The following LRBA variants were observed in gnomAD, a reference collection of about 807,000 sequenced individuals.
LRBA encodes the protein LPS responsive beige-like anchor protein.
In LRBA, 176 loss-of-function variants were observed where a neutral mutation model predicts 330.0. The observed-to-expected ratio is 0.53, with a 90% CI of 0.47 to 0.60. The LOEUF (loss-of-function observed/expected upper bound fraction) is 0.60. Ranked by LOEUF, LRBA falls within the 20% of genes least tolerant of loss-of-function variation. LRBA has a pLI of 0.00. For synonymous variants in LRBA, 1,230 were observed against 1,193.0 expected (o/e 1.03, Z -0.64); for missense variants, 3,259 against 3,444.8 (o/e 0.95, Z 1.35).
intron 37 of LRBA, among the ~76,000 whole-genome samples, chr4:150,656,075 T>C (rs1244161446): frequency 6.6e-6 from 1 of 152,190 alleles, no homozygotes; most frequent in Non-Finnish European, 1.5e-5. Flanking sequence ...TTTTTGCTTC[T>C]ATTTGTTCAC....
chr4:150,583,093 G>A lies in LRBA; in HGVS notation c.6330+4955C>T. 2 of 1,614,150 alleles carry A rather than the reference G, an allele frequency of 1.2e-6. No individual in the cohort carries two copies. Among genetic ancestry groups the A allele is most frequent in the Non-Finnish European group, 1.7e-6 (2 of 1,180,004 alleles). On this transcript the variant is annotated intron_variant, in intron 40 of 56. Transcript: ENST00000651943. This position sits in a 1 kb window ranked among gnomAD's most constrained non-coding sequence, Gnocchi z 9.8. Reference sequence around the variant, plus strand: ...TAAGTACTACACTGAGCGCTGTCAGGCGCGCAAGGCGGCCATCGCCAAAAC... The same window carrying A: ...TAAGTACTACACTGAGCGCTGTCAGACGCGCAAGGCGGCCATCGCCAAAAC...
intron 28 of LRBA, among the ~76,000 whole-genome samples, chr4:150,839,122 C>A (rs964919219): frequency 2.0e-5 from 3 of 152,112 alleles, no homozygotes; most frequent in African/African-American, 7.2e-5. Context: ...ATGCAGCCAA[C>A]AGACACATGA....
At chr4:150,328,271 G>A (rs917993298) in intron 48 of LRBA, among the ~76,000 whole-genome samples, 2 of 152,146 alleles carry the variant, frequency 1.3e-5, no homozygotes, top group Admixed American at 1.3e-4. Flanking sequence ...GGAATCCAAC[G>A]TGATAGTGAT....
intron 56 of LRBA, among the ~76,000 whole-genome samples, chr4:150,272,538 A>C (rs1746246449): frequency 6.6e-6 from 1 of 152,080 alleles, no homozygotes; most frequent in African/African-American, 2.4e-5. Flanking sequence ...TCACGTTCTA[A>C]TCCAATGCAA....
intron 40 of LRBA, among the ~76,000 whole-genome samples, chr4:150,518,275 T>C (rs1368459760): frequency 1.3e-5 from 2 of 152,206 alleles, no homozygotes; most frequent in African/African-American, 4.8e-5. Context: ...ACAGTGTGGA[T>C]ATGCTAGACA....
At chr4:150,537,846 T>C (rs560053269) in intron 40 of LRBA, among the ~76,000 whole-genome samples, 12 of 151,812 alleles carry the variant, frequency 7.9e-5, no homozygotes, top group Non-Finnish European at 4.4e-5. Flanking sequence ...TCCCAGCTAT[T>C]TGGGAGGCTG....
At chr4:150,709,029 A>T (rs999852963) in intron 36 of LRBA, among the ~76,000 whole-genome samples, 9 of 151,842 alleles carry the variant, frequency 5.9e-5, no homozygotes, top group African/African-American at 1.9e-4. Flanking sequence ...GATAATCACT[A>T]ACACACTTCA....
chr4:150,667,874 A>G (rs973085424), intron 37 of LRBA, among the ~76,000 whole-genome samples: 9 of 152,228 alleles, frequency 5.9e-5, no homozygotes, highest in Non-Finnish European at 1.0e-4. Context: ...GCAATTTATT[A>G]TAACAACCTG....
intron 34 of LRBA, among the ~76,000 whole-genome samples, chr4:150,772,657 G>A (rs1251897852): frequency 6.6e-6 from 1 of 152,150 alleles, no homozygotes; most frequent in African/African-American, 2.4e-5. Context: ...GGATGTCAGG[G>A]CCTTGCTCCA....
Position 150,882,219 on chromosome 4 carries a change from A to C in LRBA, c.2166-9464T>G, listed in dbSNP as rs147020044. 2.0e-3 allele frequency among the ~76,000 whole-genome samples: 311 copies of C among 152,350 alleles called. 1 individual carries two copies. The highest frequency in any genetic ancestry group is 3.1e-3 in the Non-Finnish European group (210 of 68,026). On this transcript the variant is annotated intron_variant, in intron 17 of 56. Transcript: ENST00000651943. Reference sequence around the variant, plus strand: ...AACCTGAAATTATTCTATGAACCTAATAGTTATCCTACAAAAAATTTTTAA... The same window carrying C: ...AACCTGAAATTATTCTATGAACCTACTAGTTATCCTACAAAAAATTTTTAA...
chr4:150,533,249 C>G (rs1346333870), intron 40 of LRBA, among the ~76,000 whole-genome samples: 1 of 152,122 alleles, frequency 6.6e-6, no homozygotes, highest in African/African-American at 2.4e-5. Flanking sequence ...GGCAAGATCA[C>G]TGCTCATCAC....
intron 13 of LRBA, among the ~76,000 whole-genome samples, chr4:150,903,867 A>G (rs1731028470): frequency 6.6e-6 from 1 of 152,208 alleles, no homozygotes; most frequent in African/African-American, 2.4e-5. Flanking sequence ...GTGTGTTAAC[A>G]TCTGTCTTTC....
At chr4:150,761,712 T>C (rs1159227971) in intron 35 of LRBA, 71 bp downstream of exon 35, 1 of 924,662 alleles carries the variant, frequency 1.1e-6, no homozygotes, top group Admixed American at 2.6e-5. Context: ...AACCCAAAAA[T>C]ATCAATGCCT....
intron 48 of LRBA, among the ~76,000 whole-genome samples, chr4:150,335,422 CAT>C (rs1217678600): frequency 1.4e-5 from 2 of 147,170 alleles, no homozygotes; most frequent in African/African-American, 2.5e-5. Flanking sequence ...TATATACACA[CAT>C]ATATACATAT....
intron 22 of LRBA, among the ~76,000 whole-genome samples, chr4:150,860,329 T>G (rs560089297): frequency 1.3e-5 from 2 of 152,174 alleles, no homozygotes; most frequent in Admixed American, 6.5e-5. Context: ...AAGTATACTT[T>G]GACAGCAAAA....
chr4:150,472,072 A>G (rs1349741928), intron 42 of LRBA, among the ~76,000 whole-genome samples: 2 of 152,230 alleles, frequency 1.3e-5, no homozygotes, highest in South Asian at 2.1e-4. Flanking sequence ...GCAGCTGGGA[A>G]GTGCATATAA....
intron 4 of LRBA, 47 bp from the exon 5 acceptor site, chr4:150,921,340 A>T: frequency 8.5e-7 from 1 of 1,173,820 alleles, no homozygotes; most frequent in Non-Finnish European, 1.3e-6. Flanking sequence ...TTACCATAAG[A>T]TAAAAAAAAC....
intron 22 of LRBA, among the ~76,000 whole-genome samples, chr4:150,858,592 C>T (rs577028562): frequency 6.6e-6 from 1 of 152,268 alleles, no homozygotes; most frequent in Admixed American, 6.5e-5. Flanking sequence ...TGCAGTGGCA[C>T]AATCTCAGCT....
At position 150,896,471 on chromosome 4, in the gene LRBA, T is replaced by C. The variant is rs775808996; in HGVS notation, c.2005-15A>G. ...ACTCCAGAATCCTTCAAAAACATAA[T>C]ACAGGTATCTTACGTTTACATGTAA... is the stretch of plus-strand genomic sequence containing the variant. On this transcript the variant is annotated splice_polypyrimidine_tract_variant and intron_variant, in intron 15 of 56. Transcript: ENST00000651943. 2.9e-6 allele frequency: 4 copies of C among 1,385,596 alleles called. No individual in the cohort carries two copies. In the South Asian group the frequency reaches 3.8e-5, roughly 13 times the overall value. The allele number at this position is 1,385,596 out of a possible 1,614,324, so 85.8% of individuals were successfully genotyped here. A position where few individuals can be genotyped will look rare whatever the true frequency, so the allele number is the denominator to read the frequency against.
Sources: gnomAD v4.1 joint callset for allele counts (sites outside exome capture counted in the v4.1 genomes callset) on GRCh38, gnomAD v4.1.1 for gene constraint, Gnocchi (gnomAD v3.1) non-coding constraint, MANE v1.5 for transcripts, NCBI Gene and HGNC (gene_info 2026-07-23, HGNC 2026-07-21) for gene names.